STT3A: variants seen among roughly 807,000 people sequenced by gnomAD.
STT3A encodes STT3 oligosaccharyltransferase complex catalytic subunit A.
In STT3A, 34 loss-of-function variants were observed where a neutral mutation model predicts 89.2. That is an observed-to-expected ratio of 0.38 (90% CI 0.29 to 0.51). STT3A has a LOEUF of 0.51. Among genes scored for constraint, STT3A ranks in the 20% least tolerant of loss-of-function variants. STT3A has a pLI of 0.89. For missense variants in STT3A, 555 were observed against 889.5 expected, an observed-to-expected ratio of 0.62 and a Z score of 4.78; for synonymous variants, 282 against 310.3, an observed-to-expected ratio of 0.91 and a Z score of 0.96.
At position 125,606,485 on chromosome 11, in the gene STT3A, G is replaced by C; in HGVS notation, c.780+20G>C. ...TTCCAGGTGAGCCCTTGACTGAGTA[G>C]GGTTTTCAGCTTCTACTTTTTCTAT... On this transcript the variant is annotated intron_variant, in intron 8 of 17. Coordinates refer to ENST00000392708, the MANE Select transcript of STT3A (RefSeq NM_152713.5). 6.3e-7 allele frequency: 1 copy of C among 1,598,148 alleles called. No individual in the cohort carries two copies. The highest frequency in any genetic ancestry group is 8.5e-7 in the Non-Finnish European group (1 of 1,174,088).
In STT3A at chr11:125,621,603, T is replaced by C. The variant is rs1240174729; in HGVS notation, c.*793T>C. ...GCTTTTCAGTACTCTCACTTATTCA[T>C]GACACAGGAATGACCCTTTACTCAA... On this transcript the variant is annotated 3_prime_UTR_variant, in exon 18 of 18. Coordinates refer to ENST00000392708, the MANE Select transcript of STT3A (RefSeq NM_152713.5). The C allele has an allele frequency of 6.6e-6, 1 of 152,216 alleles. No homozygotes were observed. Among genetic ancestry groups the C allele is most frequent in the East Asian group, 1.9e-4 (1 of 5,200 alleles). 9.4% of individuals were successfully genotyped at this position (152,216 alleles called of 1,614,324 possible).
At chr11:125,609,402 G>A in intron 9 of STT3A, 32 bp from the exon 10 acceptor site, 1 of 1,572,152 alleles carries the variant, frequency 6.4e-7, no homozygotes, top group Non-Finnish European at 8.6e-7. Context: ...TGAAGAGTGT[G>A]TGTGGAATAT....
At chr11:125,605,099 T>C (rs1455985149) in intron 6 of STT3A, among the ~76,000 whole-genome samples, 1 of 137,958 alleles carries the variant, frequency 7.2e-6, no homozygotes, top group Non-Finnish European at 1.6e-5. Flanking sequence ...ACCCTGTTTT[T>C]GTTGTTGTTG....
intron 15 of STT3A, 59 bp from the exon 16 acceptor site, chr11:125,618,314 C>G: frequency 6.8e-7 from 1 of 1,473,838 alleles, no homozygotes; most frequent in Non-Finnish European, 9.1e-7. Context: ...GAAATACTAA[C>G]CTGCTTTAAC....
chr11:125,612,501 C>A, intron 11 of STT3A, 91 bp from the exon 12 acceptor site: 1 of 1,424,150 alleles, frequency 7.0e-7, no homozygotes, highest in Non-Finnish European at 9.4e-7. Flanking sequence ...TTGATGAAAA[C>A]CCCTAAATTG....
chr11:125,605,676 G>T lies in STT3A; in HGVS notation c.556G>T (p.Ala186Ser). The change falls in exon 7 of 18, where the codon GCA becomes TCA. Residue 186 changes from alanine to serine, a missense_variant. This residue lies in a region of STT3A where 149 missense variants were observed against 206.2 expected (regional missense o/e 0.72). Coordinates refer to ENST00000392708, the MANE Select transcript of STT3A (RefSeq NM_152713.5). ...ACTCACCTACTACATGTGGATCAAG[G>T]CAGTAAAGACTGGTTCCATCTGTTG... ...MLLTYYMWIK[A>S]VKTGSICWAA... 6.2e-7 allele frequency: 1 copy of T among 1,614,080 alleles called. No individual in the cohort carries two copies. The highest frequency in any genetic ancestry group is 8.5e-7 in the Non-Finnish European group (1 of 1,179,988).
At chr11:125,605,580 C>A (rs1565345947) in intron 6 of STT3A, 49 bp from the exon 7 acceptor site, 4 of 1,373,402 alleles carry the variant, frequency 2.9e-6, no homozygotes, top group South Asian at 2.4e-5. Context: ...TTCTTAATGA[C>A]TATACTAGCC....
intron 3 of STT3A, 83 bp downstream of exon 3, chr11:125,597,202 T>A: frequency 7.1e-7 from 1 of 1,401,610 alleles, no homozygotes; most frequent in Non-Finnish European, 1.0e-6. Flanking sequence ...TTCAGTCAGC[T>A]CTCAGTGATA....
intron 3 of STT3A, among the ~76,000 whole-genome samples, chr11:125,598,358 A>G (rs1278080419): frequency 6.6e-6 from 1 of 152,222 alleles, no homozygotes; most frequent in African/African-American, 2.4e-5. Context: ...TATATTGCCT[A>G]AAGTTAAGGC....
intron 6 of STT3A, 59 bp from the exon 7 acceptor site, chr11:125,605,570 T>A: frequency 7.8e-7 from 1 of 1,284,982 alleles, no homozygotes; most frequent in Non-Finnish European, 1.1e-6. Context: ...CAGAACAGTA[T>A]TCTTAATGAC....
intron 15 of STT3A, among the ~76,000 whole-genome samples, chr11:125,615,046 C>T (rs913090383): frequency 6.6e-6 from 1 of 152,012 alleles, no homozygotes; most frequent in Non-Finnish European, 1.5e-5. Context: ...GAGGCCAAGG[C>T]GGGCGGATCA....
At chr11:125,612,388 A>G (rs1940053398) in intron 11 of STT3A, among the ~76,000 whole-genome samples, 2 of 152,220 alleles carry the variant, frequency 1.3e-5, no homozygotes, top group Admixed American at 6.5e-5. Context: ...CAAGACACAC[A>G]TGCATATGTA....
At chr11:125,600,278 G>A (rs1939632752) in intron 3 of STT3A, among the ~76,000 whole-genome samples, 1 of 152,088 alleles carries the variant, frequency 6.6e-6, no homozygotes, top group South Asian at 2.1e-4. Context: ...TCGAACTCCC[G>A]ACCTCAGGTG....
chr11:125,602,099 T>C (rs1939701570), intron 3 of STT3A, among the ~76,000 whole-genome samples: 1 of 152,174 alleles, frequency 6.6e-6, no homozygotes, highest in Non-Finnish European at 1.5e-5. Flanking sequence ...ACCCGGCTCA[T>C]TTCCTTATGA....
In STT3A at chr11:125,614,412, G is replaced by C; in HGVS notation, c.1760G>C (p.Gly587Ala). 6.2e-7 allele frequency: 1 copy of C among 1,613,762 alleles called. No homozygotes were observed. Among genetic ancestry groups the C allele is most frequent in the Non-Finnish European group, 8.5e-7 (1 of 1,179,806 alleles). ...CTGGTCATTTTTGGAGGCCTCACTG[G>C]GTATTCCTCTGATGGTAATATACTT... is the stretch of plus-strand genomic sequence containing the variant. ...YVLVIFGGLT[G>A]YSSDDINKFL... The change falls in exon 15 of 18, where the codon GGG (glycine) becomes GCG (alanine). Residue 587 changes from glycine to alanine, a missense_variant. Coordinates refer to ENST00000392708, the MANE Select transcript of STT3A (RefSeq NM_152713.5). This position sits in a 1 kb window ranked among gnomAD's most constrained non-coding sequence, Gnocchi z 4.9.
intron 3 of STT3A, among the ~76,000 whole-genome samples, chr11:125,599,420 CT>C (rs886518141): frequency 2.0e-5 from 3 of 151,872 alleles, no homozygotes; most frequent in Admixed American, 1.3e-4. Flanking sequence ...GTCTGTCTTC[CT>C]TTTTTTTGGA....
At chr11:125,596,523 G>A (rs11220144) in intron 2 of STT3A, among the ~76,000 whole-genome samples, 16,245 of 152,212 alleles carry the variant, frequency 0.11, 1,244 homozygotes, top group African/African-American at 0.22. Context: ...TGCCAATTCT[G>A]TTTTCTCATA....
At chr11:125,609,118 T>C (rs1000860554) in intron 9 of STT3A, among the ~76,000 whole-genome samples, 2 of 152,236 alleles carry the variant, frequency 1.3e-5, no homozygotes, top group Non-Finnish European at 2.9e-5. Flanking sequence ...GAGGATATAG[T>C]TGATTTAATC....
chr11:125,608,682 A>G (rs1939911608), intron 9 of STT3A, among the ~76,000 whole-genome samples: 1 of 152,222 alleles, frequency 6.6e-6, no homozygotes, highest in African/African-American at 2.4e-5. Flanking sequence ...ATAAACTCCA[A>G]AAGACAGGGT....
Sources: gnomAD v4.1 joint callset for allele counts (sites outside exome capture counted in the v4.1 genomes callset) on GRCh38, gnomAD v4.1.1 for gene constraint, gnomAD v4.1.1 regional missense constraint, Gnocchi (gnomAD v3.1) non-coding constraint, MANE v1.5 for transcripts, NCBI Gene and HGNC (gene_info 2026-07-23, HGNC 2026-07-21) for gene names.